NCKAP5: variants seen among roughly 807,000 people sequenced by gnomAD.
The protein encoded by NCKAP5 is NCK associated protein 5, also known as nck-associated protein 5.
Under a neutral mutation model 167.0 loss-of-function variants are expected in NCKAP5, and 92 were observed. That is an observed-to-expected ratio of 0.55 (90% CI 0.47 to 0.66). The LOEUF (loss-of-function observed/expected upper bound fraction) is 0.66. Ranked by LOEUF, NCKAP5 falls within the 30% of genes least tolerant of loss-of-function variation. The pLI is 0.00. For synonymous variants in NCKAP5, 891 were observed against 877.4 expected (o/e 1.02, Z -0.27); for missense variants, 2,378 against 2,315.0 (o/e 1.03, Z -0.56).
intron 18 of NCKAP5, among the ~76,000 whole-genome samples, chr2:132,728,273 T>C (rs1056473756): frequency 5.9e-5 from 9 of 152,054 alleles, no homozygotes; most frequent in Non-Finnish European, 1.2e-4. Context: ...TAGCCACCCA[T>C]AGCCACCCAT....
intron 19 of NCKAP5, among the ~76,000 whole-genome samples, chr2:132,700,940 G>GA (rs1163966011): frequency 4.1e-4 from 56 of 137,302 alleles, no homozygotes; most frequent in Non-Finnish European, 8.0e-4. Flanking sequence ...CGGGGGGGGG[G>GA]GCTTTTAAGC....
At position 133,322,813 on chromosome 2, in the gene NCKAP5, G is replaced by T. The variant is rs546052847; in HGVS notation, c.70-19703C>A. Among the ~76,000 whole-genome samples the T allele has an allele frequency of 4.6e-5, 7 of 152,326 alleles. No homozygotes were observed. The South Asian group carries it at 1.5e-3, about 32-fold the overall frequency. ...GGTTAGCAAACCTCAGCCAGCACTA[G>T]TACCACCTGGAGAGCTTGCTAAAAC... On this transcript the variant is annotated intron_variant, in intron 3 of 19. Coordinates refer to ENST00000409261, the MANE Select transcript of NCKAP5 (RefSeq NM_207363.3).
intron 3 of NCKAP5, among the ~76,000 whole-genome samples, chr2:133,363,322 A>G (rs1416512560): frequency 6.7e-6 from 1 of 148,330 alleles, no homozygotes; most frequent in African/African-American, 2.5e-5. Context: ...GCCACACACA[A>G]TTTTTTTTTT....
At chr2:133,606,226 C>T in the NCKAP5 span, among the ~76,000 whole-genome samples, 3 of 151,984 alleles carry the variant, frequency 2.0e-5, no homozygotes, top group South Asian at 2.1e-4. Flanking sequence ...AATACCATGC[C>T]CAATAAATTT....
chr2:132,731,541 T>C (rs534587264), intron 17 of NCKAP5, among the ~76,000 whole-genome samples, 196 bp downstream of exon 17: 1 of 152,324 alleles, frequency 6.6e-6, no homozygotes, highest in Non-Finnish European at 1.5e-5. Flanking sequence ...TATATGTGTG[T>C]GTACTGCTTG....
chr2:133,657,058 T>C, the NCKAP5 span, among the ~76,000 whole-genome samples: 17,044 of 152,232 alleles, frequency 0.11, 2,049 homozygotes, highest in African/African-American at 0.29. Flanking sequence ...TCACTTAGAA[T>C]ACTAGTCTCC....
intron 16 of NCKAP5, among the ~76,000 whole-genome samples, chr2:132,763,486 G>A (rs1307432061): frequency 6.6e-6 from 1 of 152,058 alleles, no homozygotes; most frequent in Non-Finnish European, 1.5e-5. Context: ...AATCACCTGC[G>A]GATCTTCAAG....
chr2:133,449,551 T>C (rs1217019034), intron 3 of NCKAP5, among the ~76,000 whole-genome samples: 3 of 152,208 alleles, frequency 2.0e-5, no homozygotes, highest in African/African-American at 7.2e-5. Flanking sequence ...TGGGTCCTTT[T>C]CCACCTTGAG....
At chr2:133,010,091 TA>T (rs200019993) in intron 6 of NCKAP5, among the ~76,000 whole-genome samples, 1 of 148,350 alleles carries the variant, frequency 6.7e-6, no homozygotes, top group Non-Finnish European at 1.5e-5. Flanking sequence ...AATAAATAAA[TA>T]AAAAAAACAA....
chr2:132,980,944 G>A (rs576669921), intron 7 of NCKAP5, among the ~76,000 whole-genome samples: 53 of 152,278 alleles, frequency 3.5e-4, no homozygotes, highest in Admixed American at 9.2e-4. Flanking sequence ...GAAAGGAATT[G>A]TATTCAGGTG....
chr2:133,101,985 A>G (rs993713390), intron 6 of NCKAP5, among the ~76,000 whole-genome samples: 2 of 152,222 alleles, frequency 1.3e-5, no homozygotes, highest in African/African-American at 2.4e-5. Flanking sequence ...AATTTGGGAG[A>G]AAAAAGGAGT....
chr2:133,555,269 C>A (rs1333089575), intron 2 of NCKAP5, among the ~76,000 whole-genome samples: 1 of 152,224 alleles, frequency 6.6e-6, no homozygotes, highest in African/African-American at 2.4e-5. Flanking sequence ...TGTCTCCCTT[C>A]CTTGAATGGC....
intron 6 of NCKAP5, among the ~76,000 whole-genome samples, chr2:133,030,740 T>C (rs927174420): frequency 2.0e-5 from 3 of 152,164 alleles, no homozygotes; most frequent in Non-Finnish European, 4.4e-5. Context: ...TGTAGGGGAA[T>C]ACCATAGACT....
At chr2:133,304,358 C>G (rs1680622241) in intron 3 of NCKAP5, among the ~76,000 whole-genome samples, 1 of 152,128 alleles carries the variant, frequency 6.6e-6, no homozygotes, top group South Asian at 2.1e-4. Context: ...AAGTCCTTGT[C>G]TAGCTAAAAA....
the NCKAP5 span, among the ~76,000 whole-genome samples, chr2:133,588,157 T>G: frequency 2.0e-5 from 3 of 152,334 alleles, no homozygotes; most frequent in South Asian, 6.2e-4. Flanking sequence ...AATGTATTTC[T>G]TGTTGGCAAT....
chr2:133,326,174 G>T (rs1366255783), intron 3 of NCKAP5, among the ~76,000 whole-genome samples: 1 of 152,130 alleles, frequency 6.6e-6, no homozygotes, highest in Non-Finnish European at 1.5e-5. Flanking sequence ...AAAACTATAA[G>T]GCCGGGCACA....
chr2:133,528,855 C>T (rs1247479840), intron 2 of NCKAP5, among the ~76,000 whole-genome samples: 2 of 152,212 alleles, frequency 1.3e-5, no homozygotes, highest in African/African-American at 2.4e-5. Flanking sequence ...TTGCCCATCT[C>T]TTCTTGCCGC....
At chr2:132,882,907 C>T (rs183393373) in intron 8 of NCKAP5, among the ~76,000 whole-genome samples, 27 of 151,940 alleles carry the variant, frequency 1.8e-4, no homozygotes, top group East Asian at 7.8e-4. Flanking sequence ...GTCCTTTGGC[C>T]GGGTGTGGTG....
At chr2:133,381,719 C>A (rs886952249) in intron 3 of NCKAP5, among the ~76,000 whole-genome samples, 4 of 152,234 alleles carry the variant, frequency 2.6e-5, no homozygotes, top group Non-Finnish European at 5.9e-5. Flanking sequence ...ACCAGGATTT[C>A]TCCCATTGCA....
Sources: gnomAD v4.1 joint callset for allele counts (sites outside exome capture counted in the v4.1 genomes callset) on GRCh38, gnomAD v4.1.1 for gene constraint, MANE v1.5 for transcripts, NCBI Gene and HGNC (gene_info 2026-07-23, HGNC 2026-07-21) for gene names.